Variants in ASTN2 observed in about 807,000 individuals in gnomAD.
ASTN2 encodes the protein astrotactin 2, also known as astrotactin-2.
In ASTN2, 54 loss-of-function variants were observed where a neutral mutation model predicts 139.8. The ratio of observed to expected loss-of-function variants is 0.39; its 90% confidence interval spans 0.31 to 0.48. The LOEUF is 0.48. Among genes scored for constraint, ASTN2 ranks in the 20% least tolerant of loss-of-function variants. The pLI, the probability that ASTN2 is intolerant of heterozygous loss-of-function variation, is 0.95. For missense variants in ASTN2, 1,565 were observed against 1,725.1 expected, an observed-to-expected ratio of 0.91 and a Z score of 1.64; for synonymous variants, 756 against 719.5, an observed-to-expected ratio of 1.05 and a Z score of -0.81.
intron 19 of ASTN2, among the ~76,000 whole-genome samples, chr9:116,595,980 G>A (rs925942684): frequency 2.0e-5 from 3 of 152,120 alleles, no homozygotes; most frequent in Non-Finnish European, 2.9e-5. Context: ...CTGTACCCCC[G>A]TGCTCACTGC....
chr9:117,267,971 A>G (rs1272783539), intron 2 of ASTN2, among the ~76,000 whole-genome samples: 1 of 152,214 alleles, frequency 6.6e-6, no homozygotes. Context: ...ATGTGGACAT[A>G]AACAATGCCA....
chr9:116,786,441 C>T (rs369712941), intron 13 of ASTN2, among the ~76,000 whole-genome samples: 1 of 152,124 alleles, frequency 6.6e-6, no homozygotes, highest in African/African-American at 2.4e-5. Flanking sequence ...AGAATAAGTG[C>T]TCAAAAAATA....
At chr9:117,292,731 G>A (rs1834625345) in intron 1 of ASTN2, among the ~76,000 whole-genome samples, 3 of 152,036 alleles carry the variant, frequency 2.0e-5, no homozygotes, top group South Asian at 2.1e-4. Flanking sequence ...CACACGAGGA[G>A]AGCTGATAGG....
chr9:117,016,946 C>T (rs1032163647), intron 6 of ASTN2, among the ~76,000 whole-genome samples: 1 of 151,612 alleles, frequency 6.6e-6, no homozygotes, highest in Non-Finnish European at 1.5e-5. Flanking sequence ...GTCTTCCCTA[C>T]CTCAGACTTG....
intron 19 of ASTN2, among the ~76,000 whole-genome samples, chr9:116,546,393 T>A (rs1202157723): frequency 6.6e-6 from 1 of 152,126 alleles, no homozygotes; most frequent in African/African-American, 2.4e-5. Flanking sequence ...AAACTGAGTC[T>A]CAGAGATGTA....
chr9:117,188,082 C>T (rs964300663), intron 3 of ASTN2, among the ~76,000 whole-genome samples: 2 of 151,642 alleles, frequency 1.3e-5, no homozygotes, highest in Non-Finnish European at 2.9e-5. Flanking sequence ...CCTGGCCTAA[C>T]CCCTCCCTAG....
At chr9:117,187,055 C>T (rs1187709373) in intron 3 of ASTN2, among the ~76,000 whole-genome samples, 1 of 152,004 alleles carries the variant, frequency 6.6e-6, no homozygotes, top group Non-Finnish European at 1.5e-5. Flanking sequence ...CTTGGACCTG[C>T]AAGGCAGAGG....
chr9:117,247,515 A>T (rs1833415972), intron 2 of ASTN2, among the ~76,000 whole-genome samples: 1 of 152,238 alleles, frequency 6.6e-6, no homozygotes, highest in Non-Finnish European at 1.5e-5. Flanking sequence ...ACTTCACAGG[A>T]GCAAGAGTCT....
chr9:116,975,998 A>T, intron 9 of ASTN2, 116 bp downstream of exon 9: 1 of 934,672 alleles, frequency 1.1e-6, no homozygotes, highest in Non-Finnish European at 1.7e-6. Flanking sequence ...GTTCTTTTGT[A>T]CTCAGTGCAG....
intron 16 of ASTN2, among the ~76,000 whole-genome samples, chr9:116,695,362 T>G (rs1172914324): frequency 6.6e-6 from 1 of 152,218 alleles, no homozygotes; most frequent in African/African-American, 2.4e-5. Flanking sequence ...ATAGTTTCCC[T>G]TGCAGTACAA....
At chr9:117,123,134 C>A (rs1006023692) in intron 4 of ASTN2, among the ~76,000 whole-genome samples, 6 of 152,078 alleles carry the variant, frequency 3.9e-5, no homozygotes, top group African/African-American at 7.2e-5. Flanking sequence ...GATCATCAGG[C>A]TCCACCCTAC....
At chr9:116,947,652 T>C (rs1042705336) in intron 10 of ASTN2, among the ~76,000 whole-genome samples, 2 of 152,232 alleles carry the variant, frequency 1.3e-5, no homozygotes, top group Non-Finnish European at 2.9e-5. Flanking sequence ...AGTATTTTTA[T>C]AGTCCTGGTC....
At chr9:116,549,447 C>T (rs57557118) in intron 19 of ASTN2, among the ~76,000 whole-genome samples, 24,179 of 152,138 alleles carry the variant, frequency 0.16, 2,092 homozygotes, top group African/African-American at 0.21. Flanking sequence ...AATTGCAACC[C>T]GGGCAAGAGC....
intron 3 of ASTN2, among the ~76,000 whole-genome samples, chr9:117,185,531 A>G (rs1158920969): frequency 6.6e-6 from 1 of 152,234 alleles, no homozygotes; most frequent in African/African-American, 2.4e-5. Flanking sequence ...AGCTGATAGG[A>G]ACAGAGCTCT....
chr9:117,393,053 G>A (rs904202600), intron 1 of ASTN2, among the ~76,000 whole-genome samples: 11 of 152,218 alleles, frequency 7.2e-5, no homozygotes, highest in African/African-American at 2.7e-4. Flanking sequence ...GAGGCTACCT[G>A]TCAGGAATGT....
intron 13 of ASTN2, among the ~76,000 whole-genome samples, chr9:116,743,749 C>T (rs560634587): frequency 1.3e-5 from 2 of 152,124 alleles, no homozygotes; most frequent in Non-Finnish European, 2.9e-5. Context: ...ATAATATGCC[C>T]ACTTCGCCCT....
intron 1 of ASTN2, among the ~76,000 whole-genome samples, chr9:117,406,222 G>A (rs957699510): frequency 2.0e-5 from 3 of 152,194 alleles, no homozygotes; most frequent in African/African-American, 4.8e-5. Context: ...AACACACAGC[G>A]TAAATTCTGG....
At chr9:117,117,375 A>AG (rs1437118832) in intron 4 of ASTN2, among the ~76,000 whole-genome samples, 7 of 120,738 alleles carry the variant, frequency 5.8e-5, no homozygotes, top group African/African-American at 2.1e-4. Context: ...GGAGAAAAAA[A>AG]AAAAGAAAAG....
At chr9:116,786,157 C>T (rs1830370556) in intron 13 of ASTN2, among the ~76,000 whole-genome samples, 1 of 152,142 alleles carries the variant, frequency 6.6e-6, no homozygotes, top group Admixed American at 6.5e-5. Flanking sequence ...AGCTGTTCCC[C>T]AGATATGTGC....
Sources: allele counts gnomAD v4.1 joint callset (sites outside exome capture counted in the v4.1 genomes callset), GRCh38; gene constraint gnomAD v4.1.1; transcripts MANE v1.5; gene names NCBI Gene and HGNC (gene_info 2026-07-23, HGNC 2026-07-21).